Variants in SND1 observed in about 807,000 individuals in gnomAD.
SND1 encodes staphylococcal nuclease domain-containing protein 1.
A neutral mutation model predicts 121.7 loss-of-function variants in SND1; 38 were observed. The observed-to-expected ratio is 0.31, with a 90% CI of 0.24 to 0.41. The LOEUF is 0.41. Among genes scored for constraint, SND1 ranks in the 10% least tolerant of loss-of-function variants. The pLI is 1.00. For synonymous variants in SND1, 401 were observed against 447.4 expected, an observed-to-expected ratio of 0.90 and a Z score of 1.31; for missense variants, 868 against 1,184.6, an observed-to-expected ratio of 0.73 and a Z score of 3.92.
At chr7:127,989,740 A>T (rs560867567) in intron 15 of SND1, among the ~76,000 whole-genome samples, 1 of 152,154 alleles carries the variant, frequency 6.6e-6, no homozygotes, top group African/African-American at 2.4e-5. Flanking sequence ...TTCGTTTCCT[A>T]TGTCTCTAGC....
chr7:127,863,645 C>G (rs192336677), intron 12 of SND1, among the ~76,000 whole-genome samples: 18 of 152,266 alleles, frequency 1.2e-4, no homozygotes, highest in African/African-American at 3.1e-4. Flanking sequence ...GTGAGTGTGA[C>G]CCCCTCATTA....
chr7:127,770,993 G>A (rs1194517738), intron 10 of SND1, among the ~76,000 whole-genome samples: 1 of 152,116 alleles, frequency 6.6e-6, no homozygotes, highest in Admixed American at 6.5e-5. Flanking sequence ...ATATCTCGTT[G>A]GCTAAAGCAT....
At position 127,725,125 on chromosome 7, in the gene SND1, A is replaced by C. The variant is rs745806069; in HGVS notation, c.1152+3725A>C. On this transcript the variant is annotated intron_variant, in intron 10 of 23. Transcript: ENST00000354725. Reference sequence around the variant, plus strand: ...ATTTACAATATGGGTGTGGTAAGAAACATCACCTGGGCATCCTAGTGTGAC... The same window carrying C: ...ATTTACAATATGGGTGTGGTAAGAACCATCACCTGGGCATCCTAGTGTGAC... 5.3e-4 allele frequency among the ~76,000 whole-genome samples: 80 copies of C among 152,314 alleles called. No homozygotes were observed. The Middle Eastern group carries it at 0.014, about 26-fold the overall frequency.
intron 10 of SND1, among the ~76,000 whole-genome samples, chr7:127,766,953 G>A (rs1797433622): frequency 6.6e-6 from 1 of 151,842 alleles, no homozygotes; most frequent in Admixed American, 6.6e-5. Context: ...TTTGTAAAGT[G>A]CTGTGTACTT....
intron 10 of SND1, among the ~76,000 whole-genome samples, chr7:127,736,761 C>T (rs1796783394): frequency 6.6e-6 from 1 of 152,150 alleles, no homozygotes; most frequent in Non-Finnish European, 1.5e-5. Context: ...ATGCCCATCC[C>T]CCCAAACAGC....
At chr7:127,923,809 A>T (rs1032065397) in intron 14 of SND1, among the ~76,000 whole-genome samples, 1 of 152,202 alleles carries the variant, frequency 6.6e-6, no homozygotes. Context: ...ACCATACACC[A>T]TACACCATAC....
intron 10 of SND1, among the ~76,000 whole-genome samples, chr7:127,779,321 C>T (rs922537956): frequency 1.3e-5 from 2 of 152,148 alleles, no homozygotes; most frequent in Non-Finnish European, 2.9e-5. Context: ...TACATGTTTC[C>T]TTGACTGCTG....
intron 10 of SND1, among the ~76,000 whole-genome samples, chr7:127,802,379 C>T (rs1187751203): frequency 6.6e-6 from 1 of 152,272 alleles, no homozygotes; most frequent in Non-Finnish European, 1.5e-5. Flanking sequence ...GCTTTTACCC[C>T]TAGTGCTCTA....
chr7:128,020,998 T>A (rs1008384097), intron 16 of SND1, among the ~76,000 whole-genome samples: 1 of 152,252 alleles, frequency 6.6e-6, no homozygotes, highest in African/African-American at 2.4e-5. Context: ...ATGAAAAAAA[T>A]AGTCTTCCCT....
chr7:127,656,134 G>A (rs947137116), intron 1 of SND1, among the ~76,000 whole-genome samples: 1 of 152,040 alleles, frequency 6.6e-6, no homozygotes, highest in Non-Finnish European at 1.5e-5. Context: ...GGGAGGAAAG[G>A]GCCATAATTT....
intron 10 of SND1, among the ~76,000 whole-genome samples, chr7:127,730,538 T>TAA (rs1796657318): frequency 6.6e-6 from 1 of 152,246 alleles, no homozygotes; most frequent in Non-Finnish European, 1.5e-5. Flanking sequence ...ATATCCCCTT[T>TAA]ATGTGTGTTC....
chr7:127,830,766 T>C (rs1798724115), intron 11 of SND1, among the ~76,000 whole-genome samples: 1 of 152,140 alleles, frequency 6.6e-6, no homozygotes, highest in African/African-American at 2.4e-5. Flanking sequence ...TTCAGTATCT[T>C]TTACCTAAAC....
chr7:127,743,307 T>G (rs1485259210), intron 10 of SND1, among the ~76,000 whole-genome samples: 2 of 152,232 alleles, frequency 1.3e-5, no homozygotes, highest in African/African-American at 4.8e-5. Context: ...GGAACCTCGG[T>G]GTGCAAGGTG....
At chr7:127,701,112 A>G (rs1796092081) in intron 4 of SND1, 51 bp from the exon 5 acceptor site, 1 of 1,595,188 alleles carries the variant, frequency 6.3e-7, no homozygotes, top group Non-Finnish European at 8.6e-7. Flanking sequence ...AGAGCCTCGT[A>G]TTTCTGTTTG....
In SND1 at chr7:128,084,853, C is replaced by A; in HGVS notation, c.2234+6C>A. 1.9e-6 allele frequency: 3 copies of A among 1,587,264 alleles called. No individual in the cohort carries two copies. The highest frequency in any genetic ancestry group is 2.6e-6 in the Non-Finnish European group (3 of 1,161,592). On this transcript the variant is annotated splice_donor_region_variant and intron_variant, in intron 19 of 23. Coordinates refer to ENST00000354725, the MANE Select transcript of SND1 (RefSeq NM_014390.4). ...AAATTTGTAGATGGAGAATGGTAAG[C>A]CACTTGGAAAAGCAAGGCAGAGTCT...
At chr7:128,089,730 C>T (rs367581953) in intron 22 of SND1, 38 bp downstream of exon 22, 87 of 1,574,030 alleles carry the variant, frequency 5.5e-5, no homozygotes, top group Non-Finnish European at 7.3e-5. Flanking sequence ...CATTGCGCCA[C>T]CACCCTCACA....
At chr7:127,685,343 A>G (rs1436773439) in intron 1 of SND1, among the ~76,000 whole-genome samples, 1 of 152,122 alleles carries the variant, frequency 6.6e-6, no homozygotes, top group Non-Finnish European at 1.5e-5. Flanking sequence ...TGAGAACTCC[A>G]TGGTCTTGTC....
In SND1 at chr7:127,814,473, G is replaced by A. The variant is rs142885447; in HGVS notation, c.1242+6900G>A. On this transcript the variant is annotated intron_variant, in intron 11 of 23. Transcript: ENST00000354725. ...GTGCAGAATATCTTATGTTGTAGAC[G>A]AGTGTGAAGTGAGGCTGGATGCAGA... Among the ~76,000 whole-genome samples, 211 of 152,190 alleles carry A rather than the reference G, an allele frequency of 1.4e-3. 2 individuals are homozygous for A. Among genetic ancestry groups the A allele is most frequent in the East Asian group, 5.8e-3 (30 of 5,186 alleles).
chr7:127,885,993 A>C (rs1426066361), intron 12 of SND1, among the ~76,000 whole-genome samples: 3 of 152,050 alleles, frequency 2.0e-5, no homozygotes, highest in Non-Finnish European at 4.4e-5. Flanking sequence ...ACCTTAGTTT[A>C]AATCCTCACC....
Sources: gnomAD v4.1 joint callset for allele counts (sites outside exome capture counted in the v4.1 genomes callset) on GRCh38, gnomAD v4.1.1 for gene constraint, MANE v1.5 for transcripts, NCBI Gene and HGNC (gene_info 2026-07-23, HGNC 2026-07-21) for gene names.